PASK: variants seen among roughly 807,000 people sequenced by gnomAD.
PASK encodes the protein PAS domain-containing serine/threonine-protein kinase.
In PASK, 110 loss-of-function variants were observed where a neutral mutation model predicts 121.0. That is an observed-to-expected ratio of 0.91 (90% CI 0.78 to 1.06). The LOEUF (loss-of-function observed/expected upper bound fraction) is 1.06. Ranked by LOEUF, PASK falls within the 50% of genes least tolerant of loss-of-function variation. The pLI, the probability that PASK is intolerant of heterozygous loss-of-function variation, is 0.00. For missense variants in PASK, 1,643 were observed against 1,702.3 expected, an observed-to-expected ratio of 0.97 and a Z score of 0.61; for synonymous variants, 686 against 717.8, an observed-to-expected ratio of 0.96 and a Z score of 0.71.
At chr2:241,130,629 G>A (rs535530962) in intron 9 of PASK, among the ~76,000 whole-genome samples, 1 of 152,138 alleles carries the variant, frequency 6.6e-6, no homozygotes, top group African/African-American at 2.4e-5. Context: ...CGTGTTGAGC[G>A]CCTGCTCTGT....
chr2:241,132,996 G>A lies in PASK; in HGVS notation c.1341C>T (p.His447=), dbSNP rs149765742. The A allele has an allele frequency of 1.6e-4, 252 of 1,614,072 alleles. No individual in the cohort carries two copies. The highest frequency in any genetic ancestry group is 1.4e-3 in the African/African-American group (105 of 75,002). The part of the protein sequence containing the change: ...PRINVVLAGG[H]VVPRDEIRKL... ...TCCGGATCTCATCTCGGGGCACAAC[G>A]TGGCCACCAGCAAGCACGACATTAA... is the stretch of plus-strand genomic sequence containing the variant. Residue 447 remains histidine, a synonymous_variant, in exon 9 of 18, where the codon CAC becomes CAT. Coordinates refer to ENST00000234040, the MANE Select transcript of PASK (RefSeq NM_015148.4).
intron 5 of PASK, 85 bp downstream of exon 5, chr2:241,138,569 A>G: frequency 6.8e-7 from 1 of 1,471,278 alleles, no homozygotes; most frequent in Non-Finnish European, 9.5e-7. Context: ...TCCCAAAGGA[A>G]TGAGACAGGG....
rs572247946 is a variant in PASK at position 241,148,818 on chromosome 2, G to A, written c.-43+596C>T. 1.6e-4 allele frequency among the ~76,000 whole-genome samples: 25 copies of A among 152,316 alleles called. No homozygotes were observed. The South Asian group carries it at 5.0e-3, about 30-fold the overall frequency. ...AGAGGGAACCCCTAAGAGAAAAATG[G>A]ACATCGAATGGTACTGAGATGCGGA... is the stretch of plus-strand genomic sequence containing the variant. On this transcript the variant is annotated intron_variant, in intron 1 of 17. Transcript: ENST00000234040.
upstream of PASK, chr2:241,150,004 C>T (rs1192795587): frequency 1.4e-6 from 2 of 1,405,096 alleles, no homozygotes; most frequent in Non-Finnish European, 1.8e-6. Flanking sequence ...GTTGCTCTTG[C>T]CGTTCGGCCC....
intron 17 of PASK, 67 bp downstream of exon 17, chr2:241,107,286 G>T: frequency 3.5e-6 from 5 of 1,410,954 alleles, no homozygotes; most frequent in Non-Finnish European, 5.0e-6. Context: ...GACCTAGGAA[G>T]GCAGCCTGGG....
intron 12 of PASK, chr2:241,118,913 C>T: frequency 9.7e-7 from 1 of 1,035,602 alleles, no homozygotes. Context: ...CCGAGATCTT[C>T]TCATACAAGT....
At position 241,138,599 on chromosome 2, in the gene PASK, G is replaced by A. The variant is rs2066553373; in HGVS notation, c.741+55C>T. The A allele has an allele frequency of 2.5e-6, 4 of 1,601,622 alleles. 1 individual carries two copies. The highest frequency in any genetic ancestry group is 2.2e-5 in the East Asian group (1 of 44,836). Reference sequence around the variant, plus strand: ...ACAGGGACCAGCACTTGCTGAAGAGGAGAACGACGCCGGCTCCAGCGTCCA... The same window carrying A: ...ACAGGGACCAGCACTTGCTGAAGAGAAGAACGACGCCGGCTCCAGCGTCCA... On this transcript the variant is annotated intron_variant, in intron 5 of 17. Coordinates refer to ENST00000234040, the MANE Select transcript of PASK (RefSeq NM_015148.4).
rs973892297 is a variant in PASK at position 241,142,994 on chromosome 2, C to G, written c.39G>C (p.Gln13His). 3 of 1,614,062 alleles carry G rather than the reference C, an allele frequency of 1.9e-6. No homozygotes were observed. Among genetic ancestry groups the G allele is most frequent in the Non-Finnish European group, 2.5e-6 (3 of 1,180,012 alleles). ...DGGLTAFEED[Q>H]RCLSQSLPLP... Reference sequence around the variant, plus strand: ...AGGGGAGGCTCTGGGAAAGGCATCTCTGGTCCTCTTCAAAGGCTGTTAAGC... The same window carrying G: ...AGGGGAGGCTCTGGGAAAGGCATCTGTGGTCCTCTTCAAAGGCTGTTAAGC... Residue 13 changes from glutamine (Q) to histidine (H), a missense_variant, in exon 2 of 18, where the codon CAG becomes CAC. Transcript: ENST00000234040.
rs557473549 is a variant in PASK, at chr2:241,127,083, G to C, written c.1832C>G (p.Pro611Arg). The change falls in exon 10 of 18, where the codon CCT becomes CGT. Residue 611 changes from proline to arginine, a missense_variant. Pro to Arg is a moderately radical substitution (Grantham distance 103). This residue lies in a region of PASK where 1,176 missense variants were observed against 1,162.2 expected (regional missense o/e 1.01). Transcript: ENST00000234040. ...LAGGSLLMHC[P>R]CYGSEWGLWW... ...CAAGCCCCATTCACTCCCATAGCAA[G>C]GGCAGTGCATCAGGAGGCTGCCCCC... is the stretch of plus-strand genomic sequence containing the variant. The C allele has an allele frequency of 2.5e-6, 4 of 1,614,016 alleles. No individual in the cohort carries two copies. In the South Asian group the frequency reaches 4.4e-5, roughly 18 times the overall value.
At chr2:241,119,805 A>C (rs1407096372) in intron 12 of PASK, among the ~76,000 whole-genome samples, 1 of 151,100 alleles carries the variant, frequency 6.6e-6, no homozygotes, top group Admixed American at 6.6e-5. Context: ...CTTCTGCCCC[A>C]CTCTGTTCCT....
rs1365675862 is a variant in PASK at position 241,106,642 on chromosome 2, C to G, written c.3896G>C (p.Gly1299Ala). The change falls in exon 18 of 18, where the codon GGG becomes GCG. Residue 1299 changes from glycine to alanine, a missense_variant. Gly to Ala is a moderately conservative substitution (Grantham distance 60). Transcript: ENST00000234040. ...AGGAGCCTCGCCTGGAACGGGGCCCCCACAAAGCTCCTGAGCCTGGGCCAC... is the reference window on the plus strand; with the variant it reads ...AGGAGCCTCGCCTGGAACGGGGCCCGCACAAAGCTCCTGAGCCTGGGCCAC... ...SDVAQAQELC[G>A]GPVPGEAPNG... The G allele has an allele frequency of 1.2e-6, 2 of 1,614,224 alleles. No individual in the cohort carries two copies. Among genetic ancestry groups the G allele is most frequent in the Middle Eastern group, 1.6e-4 (1 of 6,062 alleles).
rs1024060214 is a variant in PASK at position 241,116,066 on chromosome 2, G to A, written c.3073-653C>T. Among the ~76,000 whole-genome samples the A allele has an allele frequency of 1.4e-5, 2 of 138,784 alleles. 1 individual carries two copies. The highest frequency in any genetic ancestry group is 3.0e-5 in the Non-Finnish European group (2 of 65,952). 91.0% of individuals were successfully genotyped at this position (138,784 alleles called of 152,430 possible). A position where few individuals can be genotyped will look rare whatever the true frequency, so the allele number is the denominator to read the frequency against. ...TCCTCAAGCATCCCATTACACCAGA[G>A]ACACCCAGTCCTCCAGCATCCCATT... is the stretch of plus-strand genomic sequence containing the variant. On this transcript the variant is annotated intron_variant, in intron 12 of 17. Coordinates refer to ENST00000234040, the MANE Select transcript of PASK (RefSeq NM_015148.4).
chr2:241,136,630 C>T (rs1434364786), intron 7 of PASK, among the ~76,000 whole-genome samples: 1 of 151,968 alleles, frequency 6.6e-6, no homozygotes, highest in African/African-American at 2.4e-5. Context: ...AGAACACTAA[C>T]TGCTTTTTAA....
Position 241,132,941 on chromosome 2 carries a change from C to T in PASK, c.1396G>A (p.Gly466Arg), listed in dbSNP as rs908342866. ...KLMESQDIFT[G>R]TQTELIAGGQ... ...CCAGCAATCAGCTCAGTCTGAGTCC[C>T]GGTGAAGATGTCTTGGCTTTCCATC... The change falls in exon 9 of 18, where the codon GGG (glycine) becomes AGG (arginine). Residue 466 changes from glycine to arginine, a missense_variant. Gly to Arg is a moderately radical substitution (Grantham distance 125, BLOSUM62 -2). Coordinates refer to ENST00000234040, the MANE Select transcript of PASK (RefSeq NM_015148.4). 5 of 1,613,894 alleles carry T rather than the reference C, an allele frequency of 3.1e-6. No homozygotes were observed. The highest frequency in any genetic ancestry group is 1.3e-5 in the African/African-American group (1 of 74,918).
At chr2:241,116,497 A>C (rs1266018788) in intron 12 of PASK, among the ~76,000 whole-genome samples, 1 of 152,236 alleles carries the variant, frequency 6.6e-6, no homozygotes, top group East Asian at 1.9e-4. Flanking sequence ...TTCTCAACCA[A>C]GGACTGGAAA....
intron 8 of PASK, among the ~76,000 whole-genome samples, chr2:241,135,492 A>G (rs765975692): frequency 3.3e-5 from 5 of 152,162 alleles, no homozygotes; most frequent in Non-Finnish European, 7.4e-5. Context: ...CCAGTTGTTC[A>G]AGGGTCAGCG....
intron 15 of PASK, among the ~76,000 whole-genome samples, chr2:241,110,903 G>A (rs2065085083): frequency 6.6e-6 from 1 of 152,224 alleles, no homozygotes; most frequent in Non-Finnish European, 1.5e-5. Flanking sequence ...TGGCTCTGAA[G>A]ATGCATGGAG....
chr2:241,109,431 C>T (rs7603083), intron 15 of PASK: 35,268 of 152,470 alleles, frequency 0.23, 6,321 homozygotes, highest in African/African-American at 0.48. Flanking sequence ...TGGGAAGCAG[C>T]AGCCTGTTCT....
chr2:241,112,256 C>G lies in PASK; in HGVS notation c.3517G>C (p.Val1173Leu). The change falls in exon 15 of 18, where the codon GTT becomes CTT. Residue 1173 changes from valine (V) to leucine (L), a missense_variant. Coordinates refer to ENST00000234040, the MANE Select transcript of PASK (RefSeq NM_015148.4). This position sits in a 1 kb window ranked among gnomAD's most constrained non-coding sequence, Gnocchi z 5.2. ...CATACGTACGGATTCCCCATGAGAA[C>G]TTCCGGTGCACAGTACTCGATGGTC... is the stretch of plus-strand genomic sequence containing the variant. Reference protein sequence around the residue: ...CGTIEYCAPEVLMGNPYRGPE... With the variant: ...CGTIEYCAPELLMGNPYRGPE... 1 of 1,613,766 alleles carries G rather than the reference C, an allele frequency of 6.2e-7. No homozygotes were observed. The highest frequency in any genetic ancestry group is 2.2e-5 in the East Asian group (1 of 44,874).
Sources: gnomAD v4.1 joint callset for allele counts (sites outside exome capture counted in the v4.1 genomes callset) on GRCh38, gnomAD v4.1.1 for gene constraint, gnomAD v4.1.1 regional missense constraint, Gnocchi (gnomAD v3.1) non-coding constraint, MANE v1.5 for transcripts, NCBI Gene and HGNC (gene_info 2026-07-23, HGNC 2026-07-21) for gene names.